Variants in TSPAN15 observed in about 807,000 individuals in gnomAD.
TSPAN15 encodes the protein tetraspanin 15, also known as tetraspanin-15.
Under a neutral mutation model 34.5 loss-of-function variants are expected in TSPAN15, and 20 were observed. That is an observed-to-expected ratio of 0.58 (90% confidence interval 0.41 to 0.84). The LOEUF (loss-of-function observed/expected upper bound fraction) is 0.84, where lower values mean the gene tolerates loss of function less well. Ranked by LOEUF, TSPAN15 falls within the 40% of genes least tolerant of loss-of-function variation. The pLI is 0.00. For missense variants in TSPAN15, 313 were observed against 386.1 expected (o/e 0.81, Z 1.59); for synonymous variants, 155 against 153.9 (o/e 1.01, Z -0.05).
At chr10:69,535,443 C>A in the TSPAN15 span, among the ~76,000 whole-genome samples, 1 of 152,130 alleles carries the variant, frequency 6.6e-6, no homozygotes, top group Non-Finnish European at 1.5e-5. Flanking sequence ...ACCCACAAAC[C>A]AATTTGTCTT....
the TSPAN15 span, among the ~76,000 whole-genome samples, chr10:69,549,175 C>T: frequency 9.9e-5 from 15 of 152,128 alleles, no homozygotes; most frequent in Admixed American, 3.9e-4. Flanking sequence ...GCTAAAGCAA[C>T]TCCATCTTGG....
chr10:69,508,745 G>T (rs903764869), downstream of TSPAN15, among the ~76,000 whole-genome samples: 4 of 152,184 alleles, frequency 2.6e-5, no homozygotes, highest in East Asian at 1.9e-4. Flanking sequence ...GGAAACTGAG[G>T]CACAGGGCAG....
chr10:69,451,541 G>T lies in TSPAN15; in HGVS notation c.-54G>T, dbSNP rs1014902579. ...GGTGGGGCCACGAGCGCTGGCTGAG[G>T]GACCGAGCCGGAGAGCCCCGGAGCC... On this transcript the variant is annotated 5_prime_UTR_variant, in exon 1 of 8. Coordinates refer to ENST00000373290, the MANE Select transcript of TSPAN15 (RefSeq NM_012339.5). 4.8e-5 allele frequency: 64 copies of T among 1,332,090 alleles called. No homozygotes were observed. Among genetic ancestry groups the T allele is most frequent in the Non-Finnish European group, 6.2e-5 (64 of 1,039,386 alleles). The allele number at this position is 1,332,090 out of a possible 1,614,324, so 82.5% of individuals were successfully genotyped here.
chr10:69,536,055 G>A, the TSPAN15 span, among the ~76,000 whole-genome samples: 1 of 152,190 alleles, frequency 6.6e-6, no homozygotes, highest in African/African-American at 2.4e-5. Flanking sequence ...TCATCCCACT[G>A]CCACCAATTC....
chr10:69,493,447 G>A (rs941308074), intron 3 of TSPAN15, among the ~76,000 whole-genome samples: 1 of 150,654 alleles, frequency 6.6e-6, no homozygotes, highest in Non-Finnish European at 1.5e-5. Flanking sequence ...GGCCACGAAG[G>A]CCAGTTTCTC....
intron 1 of TSPAN15, among the ~76,000 whole-genome samples, chr10:69,464,385 C>T (rs933584385): frequency 7.9e-5 from 12 of 151,188 alleles, no homozygotes; most frequent in East Asian, 7.8e-4. Flanking sequence ...AGGAGTGGGG[C>T]GAGAACAGAG....
intron 1 of TSPAN15, among the ~76,000 whole-genome samples, chr10:69,470,965 C>T (rs78150807): frequency 0.13 from 20,242 of 152,090 alleles, 1,758 homozygotes; most frequent in Non-Finnish European, 0.18. Flanking sequence ...TTCATGTATC[C>T]GTGTGGCTTG....
the TSPAN15 span, among the ~76,000 whole-genome samples, chr10:69,537,246 C>T: frequency 2.6e-5 from 4 of 152,160 alleles, no homozygotes; most frequent in Non-Finnish European, 5.9e-5. Flanking sequence ...TGACTGGGAG[C>T]TGGGCTGCAG....
At chr10:69,457,447 C>T (rs1413244963) in intron 1 of TSPAN15, among the ~76,000 whole-genome samples, 1 of 152,146 alleles carries the variant, frequency 6.6e-6, no homozygotes, top group Admixed American at 6.5e-5. Context: ...AGCCTGTTTC[C>T]TTGATAACAG....
chr10:69,524,153 A>C, the TSPAN15 span, among the ~76,000 whole-genome samples: 1 of 148,006 alleles, frequency 6.8e-6, no homozygotes, highest in Non-Finnish European at 1.5e-5. Context: ...CAGTATTAGG[A>C]GATTTAGTTA....
chr10:69,506,947 G>T lies in TSPAN15; in HGVS notation c.854G>T (p.Gly285Val), dbSNP rs148515448. Residue 285 changes from glycine to valine, a missense_variant, in exon 8 of 8, where the codon GGC becomes GTC. Coordinates refer to ENST00000373290, the MANE Select transcript of TSPAN15 (RefSeq NM_012339.5). The surrounding 1 kb of genome is among the most constrained non-coding windows in gnomAD (Gnocchi z 4.7). ...PGAKPSVEAA[G>V]TGCCLCYPN ...GCCAAGCCCAGCGTGGAGGCGGCAG[G>T]CACGGGATGCTGCTTGTGCTACCCC... The T allele has an allele frequency of 2.5e-4, 402 of 1,609,764 alleles. 1 individual carries two copies. The highest frequency in any genetic ancestry group is 3.2e-4 in the Non-Finnish European group (383 of 1,178,716).
intron 5 of TSPAN15, among the ~76,000 whole-genome samples, chr10:69,500,643 G>A (rs1374159389): frequency 2.6e-5 from 4 of 152,154 alleles, no homozygotes; most frequent in Non-Finnish European, 5.9e-5. Flanking sequence ...ACTGAGGAGA[G>A]GGCAGTCTTT....
At chr10:69,539,538 G>GA in the TSPAN15 span, among the ~76,000 whole-genome samples, 6 of 44,318 alleles carry the variant, frequency 1.4e-4, no homozygotes, top group Admixed American at 1.5e-3. Flanking sequence ...AGAAGAAGAA[G>GA]GAGAAGGAGA....
chr10:69,475,482 C>T (rs568519264), intron 1 of TSPAN15, among the ~76,000 whole-genome samples: 1 of 152,252 alleles, frequency 6.6e-6, no homozygotes, highest in South Asian at 2.1e-4. Context: ...GTTATTTGTT[C>T]TACCGCTTCT....
intron 3 of TSPAN15, among the ~76,000 whole-genome samples, chr10:69,487,541 C>T (rs1244340468): frequency 6.6e-6 from 1 of 151,490 alleles, no homozygotes; most frequent in Non-Finnish European, 1.5e-5. Flanking sequence ...CTGAGGCTTT[C>T]CAGGGTTAGC....
chr10:69,547,399 G>C, the TSPAN15 span, among the ~76,000 whole-genome samples: 6 of 152,194 alleles, frequency 3.9e-5, no homozygotes, highest in Admixed American at 6.5e-5. Context: ...ACTGCTGGGA[G>C]AGATAAACAT....
chr10:69,479,709 G>A (rs539108209), intron 1 of TSPAN15, among the ~76,000 whole-genome samples: 4 of 152,248 alleles, frequency 2.6e-5, no homozygotes, highest in Non-Finnish European at 5.9e-5. Flanking sequence ...GATGTCATCA[G>A]AGATGTAAAT....
intron 1 of TSPAN15, among the ~76,000 whole-genome samples, chr10:69,462,026 AC>A (rs1411523583): frequency 6.7e-6 from 1 of 149,328 alleles, no homozygotes; most frequent in African/African-American, 2.5e-5. Flanking sequence ...TTGCTCTGTC[AC>A]CCAGAGCAAG....
the TSPAN15 span, among the ~76,000 whole-genome samples, chr10:69,524,793 T>C: frequency 6.8e-6 from 1 of 146,602 alleles, no homozygotes; most frequent in African/African-American, 2.5e-5. Context: ...CTTTTTTTTT[T>C]TTTTGAGACG....
Sources: gnomAD v4.1 joint callset for allele counts (sites outside exome capture counted in the v4.1 genomes callset) on GRCh38, gnomAD v4.1.1 for gene constraint, Gnocchi (gnomAD v3.1) non-coding constraint, MANE v1.5 for transcripts, NCBI Gene and HGNC (gene_info 2026-07-23, HGNC 2026-07-21) for gene names.